Variants in RNF17 observed in about 807,000 individuals in gnomAD.
The protein encoded by RNF17 is ring finger protein 17.
A neutral mutation model predicts 200.5 loss-of-function variants in RNF17; 31 were observed. The observed-to-expected ratio is 0.15, with a 90% confidence interval of 0.12 to 0.21. The LOEUF (loss-of-function observed/expected upper bound fraction) is 0.21. Among genes scored for constraint, RNF17 ranks in the 10% least tolerant of loss-of-function variants. The pLI is 1.00. For synonymous variants in RNF17, 606 were observed against 637.8 expected (o/e 0.95, Z 0.75); for missense variants, 1,628 against 1,905.1 (o/e 0.85, Z 2.71).
intron 1 of RNF17, among the ~76,000 whole-genome samples, chr13:24,764,896 T>G (rs990424277): frequency 1.0e-4 from 5 of 47,782 alleles, no homozygotes; most frequent in African/African-American, 3.7e-4. Context: ...GGGGTGTGTG[T>G]GTGTGTGTGT....
chr13:24,780,628 T>C (rs973929823), intron 5 of RNF17, among the ~76,000 whole-genome samples: 1 of 152,208 alleles, frequency 6.6e-6, no homozygotes, highest in African/African-American at 2.4e-5. Flanking sequence ...ATGCCTGTGA[T>C]CCCAGCACTT....
chr13:24,794,614 G>A (rs1427223539), intron 10 of RNF17, among the ~76,000 whole-genome samples: 1 of 152,132 alleles, frequency 6.6e-6, no homozygotes, highest in Non-Finnish European at 1.5e-5. Context: ...GGCGGAGGTA[G>A]CAATGAGCTG....
chr13:24,883,175 C>G, downstream of RNF17: 1 of 1,612,676 alleles, frequency 6.2e-7, no homozygotes. Context: ...ACATGAGGAT[C>G]GTCACAGCTC....
intron 32 of RNF17, among the ~76,000 whole-genome samples, chr13:24,871,633 C>CTT (rs143831233): frequency 0.029 from 3,710 of 128,320 alleles, 221 homozygotes; most frequent in African/African-American, 0.098. Flanking sequence ...CTTGCCCAGC[C>CTT]TTTTTTTTTT....
intron 22 of RNF17, among the ~76,000 whole-genome samples, chr13:24,848,127 A>G (rs181789477): frequency 1.3e-5 from 2 of 152,304 alleles, no homozygotes; most frequent in East Asian, 1.9e-4. Flanking sequence ...TATAAATACT[A>G]TTTATAGGTA....
intron 29 of RNF17, among the ~76,000 whole-genome samples, chr13:24,865,400 T>C (rs1290276833): frequency 6.6e-6 from 1 of 152,206 alleles, no homozygotes; most frequent in African/African-American, 2.4e-5. Context: ...ATTTGCCTTC[T>C]CACAGGAAAC....
upstream of RNF17, among the ~76,000 whole-genome samples, chr13:24,762,311 G>A (rs1007818565): frequency 1.4e-5 from 2 of 144,810 alleles, no homozygotes; most frequent in Non-Finnish European, 1.5e-5. Flanking sequence ...CAAGGTTGCA[G>A]TGAGCTGAGA....
At chr13:24,884,104 G>A, downstream of RNF17, 1 of 1,609,874 alleles carries the variant, frequency 6.2e-7, no homozygotes. Context: ...AGTTGTTACA[G>A]TAAATATTTT....
the RNF17 span, chr13:24,886,348 C>T: frequency 1.6e-6 from 2 of 1,289,102 alleles, no homozygotes; most frequent in Admixed American, 4.6e-5. Context: ...GGTGGTCAGC[C>T]AACAAGCTGC....
At chr13:24,768,478 G>A in intron 2 of RNF17, among the ~76,000 whole-genome samples, 1 of 151,916 alleles carries the variant, frequency 6.6e-6, no homozygotes, top group East Asian at 1.9e-4. Context: ...TAGAGAGGGG[G>A]TTTCACCATA....
chr13:24,781,040 G>A (rs1475092056), intron 5 of RNF17, among the ~76,000 whole-genome samples: 1 of 152,104 alleles, frequency 6.6e-6, no homozygotes, highest in East Asian at 1.9e-4. Flanking sequence ...ATACATTGGT[G>A]AAACAGGAAT....
In RNF17 at chr13:24,843,915, A is replaced by G. The variant is rs374345955; in HGVS notation, c.2775A>G (p.Val925=). 1.9e-6 allele frequency: 3 copies of G among 1,590,592 alleles called. No homozygotes were observed. The highest frequency in any genetic ancestry group is 8.6e-7 in the Non-Finnish European group (1 of 1,165,936). Residue 925 remains valine, a synonymous_variant, in exon 20 of 36, where the codon GTA becomes GTG. Coordinates refer to ENST00000255324, the MANE Select transcript of RNF17 (RefSeq NM_031277.3). ...AATTGCCTGTGCATATCTGTAATGT[A>G]ATATCTCCTGAGAAGATTTATGTTC... The part of the protein sequence containing the change: ...NKELPVHICN[V]ISPEKIYVQW...
intron 26 of RNF17, among the ~76,000 whole-genome samples, chr13:24,859,828 T>C (rs1892915614): frequency 6.6e-6 from 1 of 152,190 alleles, no homozygotes; most frequent in South Asian, 2.1e-4. Flanking sequence ...GCACTTCAGG[T>C]TTTTTAGCTT....
intron 15 of RNF17, among the ~76,000 whole-genome samples, chr13:24,813,950 C>T (rs1204577450): frequency 6.6e-6 from 1 of 151,506 alleles, no homozygotes; most frequent in East Asian, 1.9e-4. Flanking sequence ...GCATGAGCCT[C>T]GACACTCAGT....
At chr13:24,771,191 C>A (rs571878143) in intron 2 of RNF17, among the ~76,000 whole-genome samples, 27 of 152,058 alleles carry the variant, frequency 1.8e-4, no homozygotes, top group African/African-American at 6.3e-4. Flanking sequence ...TGCTCTGTTC[C>A]CCCAGACTGG....
At chr13:24,885,788 A>G in the RNF17 span, 1 of 746,034 alleles carries the variant, frequency 1.3e-6, no homozygotes, top group Admixed American at 2.2e-5. Flanking sequence ...CCATTAGTTA[A>G]GGATGTCTTA....
chr13:24,752,259 G>A, the RNF17 span: 1 of 168,642 alleles, frequency 5.9e-6, no homozygotes, highest in Admixed American at 5.9e-5. Context: ...CAATGTCAAT[G>A]TGGCATTTTC....
intron 25 of RNF17, among the ~76,000 whole-genome samples, chr13:24,854,677 C>G (rs1447559048): frequency 6.6e-6 from 1 of 152,082 alleles, no homozygotes; most frequent in Non-Finnish European, 1.5e-5. Context: ...CCCCTTTACT[C>G]AAAGTGGGAA....
chr13:24,854,030 C>A lies in RNF17; in HGVS notation c.3496C>A (p.Pro1166Thr). The change falls in exon 25 of 36, where the codon CCA (proline) becomes ACA (threonine). Residue 1166 changes from proline (P) to threonine (T), a missense_variant. Pro to Thr is a conservative substitution (Grantham distance 38). This residue lies in a region of RNF17 where 609 missense variants were observed against 681.9 expected (regional missense o/e 0.89). Transcript: ENST00000255324. Reference sequence around the variant, plus strand: ...TGAATTTCAGGAGAAAATTCTAGAACCAAGAACCACTAGAGGGTATAAGCC... The same window carrying A: ...TGAATTTCAGGAGAAAATTCTAGAAACAAGAACCACTAGAGGGTATAAGCC... Reference protein sequence around the residue: ...VSEFQEKILEPRTTRGYKPPA... With the variant: ...VSEFQEKILETRTTRGYKPPA... 1 of 1,614,018 alleles carries A rather than the reference C, an allele frequency of 6.2e-7. No homozygotes were observed. Among genetic ancestry groups the A allele is most frequent in the Non-Finnish European group, 8.5e-7 (1 of 1,179,930 alleles).
Sources: allele counts gnomAD v4.1 joint callset (sites outside exome capture counted in the v4.1 genomes callset), GRCh38; gene constraint gnomAD v4.1.1; regional missense constraint gnomAD v4.1.1; transcripts MANE v1.5; gene names NCBI Gene and HGNC (gene_info 2026-07-23, HGNC 2026-07-21).